EYA1: variants seen among roughly 807,000 people sequenced by gnomAD.
EYA1 encodes the protein protein phosphatase EYA1.
EYA1 carries 16 observed loss-of-function variants against 82.0 expected under a neutral mutation model. That is an observed-to-expected ratio of 0.20 (90% CI 0.13 to 0.30). The LOEUF (loss-of-function observed/expected upper bound fraction) is 0.30, where lower values mean the gene tolerates loss of function less well. Ranked by LOEUF, EYA1 falls within the 10% of genes least tolerant of loss-of-function variation. The pLI, the probability that EYA1 is intolerant of heterozygous loss-of-function variation, is 1.00. For synonymous variants in EYA1, 261 were observed against 264.4 expected (o/e 0.99, Z 0.12); for missense variants, 633 against 730.7 (o/e 0.87, Z 1.54).
At chr8:71,447,082 T>TTATATA (rs5892279) in intron 2 of EYA1, among the ~76,000 whole-genome samples, 353 of 144,872 alleles carry the variant, frequency 2.4e-3, no homozygotes, top group African/African-American at 8.4e-3. Flanking sequence ...TTGATAATCT[T>TTATATA]TATATATATA....
chr8:71,200,979 G>A (rs146741709), intron 17 of EYA1, among the ~76,000 whole-genome samples: 3 of 146,040 alleles, frequency 2.1e-5, no homozygotes, highest in Admixed American at 6.9e-5. Flanking sequence ...TGTGCATTGC[G>A]GGACAGAAAA....
chr8:71,405,773 C>T (rs35198871), intron 2 of EYA1, among the ~76,000 whole-genome samples: 33,517 of 151,428 alleles, frequency 0.22, 4,207 homozygotes, highest in Middle Eastern at 0.32. Flanking sequence ...ATACCCCTTA[C>T]AAAAACAAAA....
chr8:71,287,282 G>A (rs1402438499), intron 9 of EYA1, among the ~76,000 whole-genome samples: 3 of 152,098 alleles, frequency 2.0e-5, no homozygotes, highest in Non-Finnish European at 2.9e-5. Context: ...AAAAACTTTT[G>A]TAAAATAAAC....
At chr8:71,335,735 T>C (rs1824408433) in intron 3 of EYA1, among the ~76,000 whole-genome samples, 1 of 152,120 alleles carries the variant, frequency 6.6e-6, no homozygotes, top group Non-Finnish European at 1.5e-5. Flanking sequence ...CAGTATTTCA[T>C]TGCTAGCACA....
At chr8:71,293,539 C>T (rs758535308) in intron 9 of EYA1, among the ~76,000 whole-genome samples, 34 of 152,028 alleles carry the variant, frequency 2.2e-4, no homozygotes, top group Admixed American at 3.9e-4. Flanking sequence ...CAAAGATCCT[C>T]AACAAAATAT....
chr8:71,412,721 A>G (rs1041601616), intron 2 of EYA1, among the ~76,000 whole-genome samples: 1 of 152,212 alleles, frequency 6.6e-6, no homozygotes, highest in African/African-American at 2.4e-5. Flanking sequence ...TGCTTTCCAC[A>G]TCCTACTTAA....
upstream of EYA1, among the ~76,000 whole-genome samples, chr8:71,364,777 G>A (rs1012916172): frequency 4.0e-5 from 6 of 151,398 alleles, no homozygotes; most frequent in Non-Finnish European, 7.4e-5. Context: ...AAACCCTCAA[G>A]GAGACAGTTG....
upstream of EYA1, among the ~76,000 whole-genome samples, chr8:71,363,961 CA>C (rs1171137064): frequency 2.6e-5 from 4 of 151,808 alleles, no homozygotes; most frequent in Non-Finnish European, 4.4e-5. Flanking sequence ...AAAATCAAAA[CA>C]GTGGGAATAT....
chr8:71,293,219 C>G (rs1365978094), intron 9 of EYA1, among the ~76,000 whole-genome samples: 1 of 152,102 alleles, frequency 6.6e-6, no homozygotes, highest in Non-Finnish European at 1.5e-5. Context: ...GAAAGACAGT[C>G]TACCCAAACT....
At chr8:71,494,571 G>A (rs577971307) in intron 2 of EYA1, among the ~76,000 whole-genome samples, 1 of 152,224 alleles carries the variant, frequency 6.6e-6, no homozygotes, top group Non-Finnish European at 1.5e-5. Context: ...GGAATTTTAA[G>A]AAAAGTAGGC....
chr8:71,347,092 TC>T lies in EYA1; in HGVS notation c.124+7689del, dbSNP rs1462345220. Among the ~76,000 whole-genome samples the T allele has an allele frequency of 2.0e-5, 3 of 152,276 alleles. No individual in the cohort carries two copies. The East Asian group carries it at 5.8e-4, about 29-fold the overall frequency. ...TCTTAGATAAGGTAACATAAACACT[TC>T]TTAGGGAAGATAAACTATTTCAGCA... On this transcript the variant is annotated intron_variant, in intron 3 of 17. Transcript: ENST00000340726.
chr8:71,344,766 TAA>T (rs1825526901), intron 3 of EYA1, among the ~76,000 whole-genome samples: 1 of 152,158 alleles, frequency 6.6e-6, no homozygotes, highest in East Asian at 1.9e-4. Flanking sequence ...TAGCGGGTGG[TAA>T]AATAAACTAG....
intron 2 of EYA1, among the ~76,000 whole-genome samples, chr8:71,500,205 C>A (rs1811714634): frequency 6.6e-6 from 1 of 152,098 alleles, no homozygotes; most frequent in Non-Finnish European, 1.5e-5. Context: ...TAAATTTATT[C>A]TAATTCACCA....
intron 9 of EYA1, among the ~76,000 whole-genome samples, chr8:71,281,706 C>A (rs1292655025): frequency 2.6e-5 from 4 of 152,240 alleles, no homozygotes; most frequent in Non-Finnish European, 5.9e-5. Flanking sequence ...TCCCACAGGG[C>A]TTTGTGTTCA....
intron 9 of EYA1, among the ~76,000 whole-genome samples, chr8:71,287,276 A>T (rs1818494616): frequency 6.6e-6 from 1 of 152,228 alleles, no homozygotes; most frequent in Admixed American, 6.5e-5. Context: ...CCCACAAAAA[A>T]CTTTTGTAAA....
intron 11 of EYA1, among the ~76,000 whole-genome samples, chr8:71,253,312 G>A (rs1381201108): frequency 4.6e-5 from 7 of 152,066 alleles, no homozygotes. Flanking sequence ...GACTTGGACT[G>A]TGCCCACTCC....
intron 2 of EYA1, among the ~76,000 whole-genome samples, chr8:71,427,803 T>C (rs1242348499): frequency 6.6e-6 from 1 of 152,062 alleles, no homozygotes; most frequent in African/African-American, 2.4e-5. Flanking sequence ...GAGGATTGCT[T>C]GAGTCTAGGA....
At chr8:71,332,542 T>C (rs1468140497) in intron 4 of EYA1, among the ~76,000 whole-genome samples, 1 of 152,182 alleles carries the variant, frequency 6.6e-6, no homozygotes, top group Non-Finnish European at 1.5e-5. Context: ...TTGCCAGCGC[T>C]TTATTTCAGG....
chr8:71,546,911 C>G (rs950587947), intron 1 of EYA1, among the ~76,000 whole-genome samples: 18 of 152,176 alleles, frequency 1.2e-4, no homozygotes, highest in Admixed American at 1.2e-3. Context: ...ATTTACCTAC[C>G]TAGCATTAGT....
Sources: gnomAD v4.1 joint callset for allele counts (sites outside exome capture counted in the v4.1 genomes callset) on GRCh38, gnomAD v4.1.1 for gene constraint, MANE v1.5 for transcripts, NCBI Gene and HGNC (gene_info 2026-07-23, HGNC 2026-07-21) for gene names.